Variants in ZBTB20 observed in about 807,000 individuals in gnomAD.
ZBTB20 encodes the protein zinc finger and BTB domain-containing protein 20.
ZBTB20 carries 9 observed loss-of-function variants against 56.9 expected under a neutral mutation model. That is an observed-to-expected ratio of 0.16 (90% CI 0.10 to 0.28). ZBTB20 has a LOEUF of 0.28. Ranked by LOEUF, ZBTB20 falls within the 10% of genes least tolerant of loss-of-function variation. ZBTB20 has a pLI of 1.00. For synonymous variants in ZBTB20, 417 were observed against 420.7 expected (o/e 0.99, Z 0.11); for missense variants, 655 against 1,003.0 (o/e 0.65, Z 4.69).
chr3:114,548,417 T>C (rs917211793), intron 6 of ZBTB20, among the ~76,000 whole-genome samples: 2 of 152,176 alleles, frequency 1.3e-5, no homozygotes, highest in African/African-American at 4.8e-5. Context: ...ACCTAAGAGA[T>C]CTATTAGTCT....
Position 114,678,689 on chromosome 3 carries a change from G to A in ZBTB20, c.-295+14839C>T, listed in dbSNP as rs190924983. 2.0e-4 allele frequency among the ~76,000 whole-genome samples: 31 copies of A among 152,240 alleles called. No individual in the cohort carries two copies. In the East Asian group the frequency reaches 2.9e-3, roughly 14 times the overall value. ...TTTGGTCATTAAATGGTTCGAGTAC[G>A]TAGAATTACTTACAATGTAATGCCA... is the stretch of plus-strand genomic sequence containing the variant. On this transcript the variant is annotated intron_variant, in intron 6 of 11. Transcript: ENST00000675478.
intron 6 of ZBTB20, among the ~76,000 whole-genome samples, chr3:114,681,441 G>A (rs990111281): frequency 1.3e-5 from 2 of 152,290 alleles, no homozygotes; most frequent in Admixed American, 6.5e-5. Flanking sequence ...GATTACAGGC[G>A]TGAGCCACCA....
chr3:115,039,464 C>T (rs886337368), intron 2 of ZBTB20, among the ~76,000 whole-genome samples: 4 of 151,570 alleles, frequency 2.6e-5, no homozygotes, highest in African/African-American at 9.7e-5. Context: ...AAATAAGAAC[C>T]TCTTAACATC....
chr3:114,655,063 T>C (rs2060321518), intron 6 of ZBTB20, among the ~76,000 whole-genome samples: 1 of 152,124 alleles, frequency 6.6e-6, no homozygotes, highest in South Asian at 2.1e-4. Flanking sequence ...AGACAGCATA[T>C]GTTGACTCTT....
intron 7 of ZBTB20, among the ~76,000 whole-genome samples, chr3:114,494,556 T>C (rs148594913): frequency 1.3e-5 from 2 of 152,312 alleles, no homozygotes; most frequent in East Asian, 3.9e-4. Flanking sequence ...AAGTATCCCA[T>C]TGGTGGGAAA....
intron 2 of ZBTB20, among the ~76,000 whole-genome samples, chr3:114,984,600 G>A (rs991329664): frequency 2.0e-5 from 3 of 151,992 alleles, no homozygotes; most frequent in Non-Finnish European, 4.4e-5. Context: ...CTATCTCAGT[G>A]TATTCTCTCT....
chr3:114,759,392 T>C (rs1015947425), intron 5 of ZBTB20: 1 of 152,102 alleles, frequency 6.6e-6, no homozygotes, highest in African/African-American at 2.4e-5. Context: ...ATAGAGGACA[T>C]CTCAGTTGAA....
chr3:114,926,295 A>G (rs532877807), intron 3 of ZBTB20, among the ~76,000 whole-genome samples: 2 of 152,164 alleles, frequency 1.3e-5, no homozygotes, highest in East Asian at 1.9e-4. Context: ...CAAAGTTTGA[A>G]CCTCCTCTAA....
chr3:114,589,726 C>A (rs1175162541), intron 6 of ZBTB20, among the ~76,000 whole-genome samples: 3 of 152,168 alleles, frequency 2.0e-5, no homozygotes, highest in Admixed American at 6.5e-5. Context: ...ATTTTTCCCA[C>A]CAACCTGTGA....
At chr3:114,377,980 G>T (rs1045858502) in intron 10 of ZBTB20, among the ~76,000 whole-genome samples, 1 of 152,136 alleles carries the variant, frequency 6.6e-6, no homozygotes, top group African/African-American at 2.4e-5. Context: ...AGACTAACAA[G>T]TCAAGGGCAC....
intron 7 of ZBTB20, among the ~76,000 whole-genome samples, chr3:114,443,088 T>C (rs929141883): frequency 1.3e-5 from 2 of 152,078 alleles, no homozygotes; most frequent in African/African-American, 4.8e-5. Context: ...CAGCTAGCTA[T>C]CAAAAAGATC....
chr3:114,460,467 G>A (rs1473944741), intron 7 of ZBTB20, among the ~76,000 whole-genome samples: 4 of 152,168 alleles, frequency 2.6e-5, no homozygotes, highest in Non-Finnish European at 1.5e-5. Flanking sequence ...AGAGAGGCAG[G>A]AGGATCAGAG....
At chr3:114,426,492 A>T (rs1043401743) in intron 7 of ZBTB20, among the ~76,000 whole-genome samples, 1 of 152,048 alleles carries the variant, frequency 6.6e-6, no homozygotes, top group Non-Finnish European at 1.5e-5. Flanking sequence ...CAGCACTGAA[A>T]GCCCCCTCCC....
At chr3:114,769,043 C>A (rs1443913629) in intron 5 of ZBTB20, among the ~76,000 whole-genome samples, 2 of 152,126 alleles carry the variant, frequency 1.3e-5, no homozygotes, top group African/African-American at 4.8e-5. Context: ...TTTTGGCACA[C>A]AGTAAAACAG....
chr3:114,398,887 A>G (rs550319898), intron 7 of ZBTB20, among the ~76,000 whole-genome samples: 5 of 152,296 alleles, frequency 3.3e-5, no homozygotes, highest in Non-Finnish European at 7.4e-5. Context: ...ATCAGTCTGG[A>G]GACACAATAC....
intron 3 of ZBTB20, among the ~76,000 whole-genome samples, chr3:114,926,314 T>C (rs563712478): frequency 3.3e-5 from 5 of 152,344 alleles, no homozygotes; most frequent in South Asian, 4.1e-4. Context: ...AATATTTCTC[T>C]AGTCTTATCC....
At chr3:114,959,938 G>A (rs2077386943) in intron 3 of ZBTB20, among the ~76,000 whole-genome samples, 2 of 152,082 alleles carry the variant, frequency 1.3e-5, no homozygotes, top group Admixed American at 1.3e-4. Flanking sequence ...TCTTAAAATG[G>A]CCATTTTCAC....
chr3:114,911,744 A>G (rs1240689678), intron 3 of ZBTB20, among the ~76,000 whole-genome samples: 1 of 151,920 alleles, frequency 6.6e-6, no homozygotes, highest in Non-Finnish European at 1.5e-5. Context: ...AAGACTGAAA[A>G]AGCATGATGA....
chr3:114,598,801 C>T (rs1031541674), intron 6 of ZBTB20, among the ~76,000 whole-genome samples: 1 of 151,908 alleles, frequency 6.6e-6, no homozygotes, highest in African/African-American at 2.4e-5. Context: ...ATGTTAGTTA[C>T]AAGAAACTTG....
Sources: gnomAD v4.1 joint callset for allele counts (sites outside exome capture counted in the v4.1 genomes callset) on GRCh38, gnomAD v4.1.1 for gene constraint, MANE v1.5 for transcripts, NCBI Gene and HGNC (gene_info 2026-07-23, HGNC 2026-07-21) for gene names.